Variants in STAC observed in about 807,000 individuals in gnomAD.
The protein encoded by STAC is SH3 and cysteine rich domain.
Under a neutral mutation model 48.8 loss-of-function variants are expected in STAC, and 43 were observed. The observed-to-expected ratio is 0.88, with a 90% CI of 0.69 to 1.14. The LOEUF (loss-of-function observed/expected upper bound fraction) is 1.14. Ranked by LOEUF, STAC falls within the 50% of genes most tolerant of loss-of-function variation. STAC has a pLI of 0.00. For missense variants in STAC, 497 were observed against 504.0 expected, an observed-to-expected ratio of 0.99 and a Z score of 0.13; for synonymous variants, 193 against 179.5, an observed-to-expected ratio of 1.07 and a Z score of -0.60.
chr3:36,498,485 G>T (rs1417791883), intron 6 of STAC, among the ~76,000 whole-genome samples: 3 of 152,314 alleles, frequency 2.0e-5, no homozygotes, highest in African/African-American at 7.2e-5. Context: ...CAGGCACAGT[G>T]GCTCACGCCT....
chr3:36,545,430 G>A (rs747511771), intron 10 of STAC, among the ~76,000 whole-genome samples: 3 of 152,148 alleles, frequency 2.0e-5, no homozygotes, highest in Admixed American at 2.0e-4. Context: ...CTTGTACAAG[G>A]AACCCTGTGT....
intron 2 of STAC, among the ~76,000 whole-genome samples, chr3:36,464,528 G>A (rs913984945): frequency 1.3e-5 from 2 of 151,950 alleles, no homozygotes; most frequent in Non-Finnish European, 2.9e-5. Context: ...TGAGATTTTG[G>A]TGTACCTATT....
At chr3:36,412,280 A>T (rs1056576425) in intron 1 of STAC, among the ~76,000 whole-genome samples, 2 of 152,176 alleles carry the variant, frequency 1.3e-5, no homozygotes, top group African/African-American at 4.8e-5. Context: ...GGAAAGAAAG[A>T]AAGGGAGGGA....
In STAC at chr3:36,486,289, C is replaced by G. The variant is rs200771459; in HGVS notation, c.687+40C>G. 8 of 1,581,294 alleles carry G rather than the reference C, an allele frequency of 5.1e-6. No homozygotes were observed. In the Admixed American group the frequency reaches 5.1e-5, roughly 10 times the overall value. The stretch of plus-strand genomic sequence containing the variant: ...CCTTCCTCGGTTTGTCTGTGGTGGT[C>G]TTGGGCAGAGCGGGCCTCAGGCACT... On this transcript the variant is annotated intron_variant, in intron 5 of 10. Coordinates refer to ENST00000273183, the MANE Select transcript of STAC (RefSeq NM_003149.3).
chr3:36,526,661 A>T (rs1698943470), intron 8 of STAC, among the ~76,000 whole-genome samples: 1 of 152,200 alleles, frequency 6.6e-6, no homozygotes, highest in South Asian at 2.1e-4. Context: ...ATAGCACCGC[A>T]TTACTACTTA....
At chr3:36,531,790 T>G (rs1260388502) in intron 10 of STAC, among the ~76,000 whole-genome samples, 5 of 152,152 alleles carry the variant, frequency 3.3e-5, no homozygotes, top group Non-Finnish European at 5.9e-5. Context: ...TGTGGTGCAA[T>G]TAGATCTTCT....
At chr3:36,516,863 C>A (rs1429704358) in intron 8 of STAC, among the ~76,000 whole-genome samples, 1 of 152,196 alleles carries the variant, frequency 6.6e-6, no homozygotes, top group African/African-American at 2.4e-5. Flanking sequence ...TAGATACCTT[C>A]TCTTCATAAT....
At position 36,414,143 on chromosome 3, in the gene STAC, A is replaced by G. The variant is rs151047917; in HGVS notation, c.112-29221A>G. 2.9e-3 allele frequency among the ~76,000 whole-genome samples: 444 copies of G among 152,164 alleles called. 2 individuals are homozygous for G. The highest frequency in any genetic ancestry group is 0.01 in the African/African-American group (426 of 41,498). On this transcript the variant is annotated intron_variant, in intron 1 of 10. Coordinates refer to ENST00000273183, the MANE Select transcript of STAC (RefSeq NM_003149.3). The stretch of plus-strand genomic sequence containing the variant: ...CATTTCAACTTTGGTAAATCTGACA[A>G]TTATGTGTCTTGGAGTTTCTCTTCT...
At chr3:36,462,876 CT>C (rs970223614) in intron 2 of STAC, among the ~76,000 whole-genome samples, 1 of 152,130 alleles carries the variant, frequency 6.6e-6, no homozygotes, top group Non-Finnish European at 1.5e-5. Flanking sequence ...AAGTACCCTT[CT>C]GTCCCATATT....
chr3:36,542,111 G>A (rs770358555), intron 10 of STAC, among the ~76,000 whole-genome samples: 19 of 151,872 alleles, frequency 1.3e-4, no homozygotes, highest in Non-Finnish European at 1.9e-4. Context: ...GGGAAGGGAA[G>A]AGAAGGGAGG....
intron 1 of STAC, among the ~76,000 whole-genome samples, chr3:36,432,766 A>G (rs139457957): frequency 0.023 from 3,532 of 152,080 alleles, 58 homozygotes; most frequent in East Asian, 0.026. Flanking sequence ...TATGGACTTC[A>G]GGCATCTTTC....
intron 1 of STAC, among the ~76,000 whole-genome samples, chr3:36,438,226 C>T (rs774498409): frequency 4.6e-5 from 7 of 152,234 alleles, no homozygotes; most frequent in South Asian, 2.1e-4. Flanking sequence ...CCACCGCACC[C>T]GGCCTGATTG....
intron 1 of STAC, among the ~76,000 whole-genome samples, chr3:36,381,624 G>C (rs2125607978): frequency 6.6e-6 from 1 of 152,300 alleles, no homozygotes; most frequent in South Asian, 2.1e-4. Flanking sequence ...GGCAGTCCGT[G>C]TATACCAGCA....
intron 2 of STAC, among the ~76,000 whole-genome samples, chr3:36,479,158 T>C (rs947337654): frequency 1.3e-5 from 2 of 152,208 alleles, no homozygotes; most frequent in Admixed American, 1.3e-4. Context: ...AAAACGTATG[T>C]GTAAAGTAAA....
At chr3:36,422,326 T>C (rs73059996) in intron 1 of STAC, among the ~76,000 whole-genome samples, 3,531 of 152,200 alleles carry the variant, frequency 0.023, 59 homozygotes, top group East Asian at 0.026. Flanking sequence ...TTTTAAGCTA[T>C]AAGAGATGTC....
chr3:36,420,439 T>A (rs1461807016), intron 1 of STAC, among the ~76,000 whole-genome samples: 2 of 152,212 alleles, frequency 1.3e-5, no homozygotes, highest in African/African-American at 4.8e-5. Flanking sequence ...GTCTGTAGCC[T>A]GTTAGGAACC....
intron 6 of STAC, among the ~76,000 whole-genome samples, chr3:36,496,953 G>A (rs1698165222): frequency 6.6e-6 from 1 of 152,018 alleles, no homozygotes; most frequent in Non-Finnish European, 1.5e-5. Flanking sequence ...AAAAGGGCTG[G>A]GTTAACCACA....
intron 8 of STAC, among the ~76,000 whole-genome samples, chr3:36,506,468 G>A (rs1016065244): frequency 1.3e-5 from 2 of 152,158 alleles, no homozygotes; most frequent in African/African-American, 4.8e-5. Context: ...TGTGAAGAAA[G>A]TCAGTGGTAG....
At chr3:36,473,229 C>T (rs1325506775) in intron 2 of STAC, among the ~76,000 whole-genome samples, 5 of 152,082 alleles carry the variant, frequency 3.3e-5, no homozygotes, top group Admixed American at 6.5e-5. Context: ...ATTACCTCCC[C>T]CTGGGTCCTT....
Sources: allele counts gnomAD v4.1 joint callset (sites outside exome capture counted in the v4.1 genomes callset), GRCh38; gene constraint gnomAD v4.1.1; transcripts MANE v1.5; gene names NCBI Gene and HGNC (gene_info 2026-07-23, HGNC 2026-07-21).